The following KHDRBS3 variants were observed in gnomAD, a reference collection of about 807,000 sequenced individuals.
The protein encoded by KHDRBS3 is KH RNA binding domain containing, signal transduction associated 3.
In KHDRBS3, 23 loss-of-function variants were observed where a neutral mutation model predicts 45.6. The observed-to-expected ratio is 0.50, with a 90% CI of 0.36 to 0.72. The LOEUF (loss-of-function observed/expected upper bound fraction) is 0.72. KHDRBS3 is among the 30% of genes least tolerant of loss of function. KHDRBS3 has a pLI of 0.00. For missense variants in KHDRBS3, 352 were observed against 424.8 expected, an observed-to-expected ratio of 0.83 and a Z score of 1.51; for synonymous variants, 162 against 156.5, an observed-to-expected ratio of 1.04 and a Z score of -0.26.
intron 6 of KHDRBS3, among the ~76,000 whole-genome samples, chr8:135,592,310 A>AGC (rs1554635765): frequency 6.6e-6 from 1 of 151,996 alleles, no homozygotes; most frequent in African/African-American, 2.4e-5. Context: ...GGAAGTGGAA[A>AGC]GCTCTAAAAT....
At chr8:135,515,359 C>A (rs1824528441) in intron 1 of KHDRBS3, among the ~76,000 whole-genome samples, 1 of 57,468 alleles carries the variant, frequency 1.7e-5, no homozygotes, top group African/African-American at 5.5e-5. Flanking sequence ...GAGCGAGACT[C>A]CGTCTTAAAA....
At chr8:135,546,465 A>G (rs978657625) in intron 3 of KHDRBS3, among the ~76,000 whole-genome samples, 2 of 152,216 alleles carry the variant, frequency 1.3e-5, no homozygotes, top group Non-Finnish European at 2.9e-5. Context: ...CATAATAATC[A>G]TGACAGTGCT....
At chr8:135,603,957 T>C (rs1489483744) in intron 6 of KHDRBS3, among the ~76,000 whole-genome samples, 1 of 152,042 alleles carries the variant, frequency 6.6e-6, no homozygotes, top group East Asian at 1.9e-4. Flanking sequence ...TTTTTTTTCT[T>C]TTTTGACCTT....
intron 4 of KHDRBS3, chr8:135,549,916 T>A (rs1826501887): frequency 6.6e-6 from 1 of 152,226 alleles, no homozygotes; most frequent in Admixed American, 6.5e-5. Flanking sequence ...CTGAAATGGC[T>A]AGTATTTTCT....
At chr8:135,629,611 G>A (rs2131130760) in intron 7 of KHDRBS3, among the ~76,000 whole-genome samples, 1 of 152,272 alleles carries the variant, frequency 6.6e-6, no homozygotes, top group South Asian at 2.1e-4. Context: ...TGCATGCTAG[G>A]TCTCCATAAC....
chr8:135,523,025 C>T (rs984939840), intron 2 of KHDRBS3, among the ~76,000 whole-genome samples: 1 of 152,114 alleles, frequency 6.6e-6, no homozygotes, highest in African/African-American at 2.4e-5. Context: ...ATTTATGAAT[C>T]CTTATGCCAG....
At chr8:135,569,227 T>C (rs115668815) in intron 5 of KHDRBS3, among the ~76,000 whole-genome samples, 1,635 of 152,328 alleles carry the variant, frequency 0.011, 27 homozygotes, top group African/African-American at 0.035. Flanking sequence ...TGAAATATAA[T>C]GCAGTACTTA....
chr8:135,498,705 C>A (rs369612386), intron 1 of KHDRBS3, among the ~76,000 whole-genome samples: 1 of 150,456 alleles, frequency 6.6e-6, no homozygotes, highest in Non-Finnish European at 1.5e-5. Context: ...GTTTTTTCTT[C>A]TTTTTTTTAA....
At chr8:135,592,690 A>G (rs756808640) in intron 6 of KHDRBS3, among the ~76,000 whole-genome samples, 5 of 152,184 alleles carry the variant, frequency 3.3e-5, no homozygotes, top group African/African-American at 1.2e-4. Flanking sequence ...GTTTTTTGAC[A>G]TGCATATTTT....
intron 2 of KHDRBS3, among the ~76,000 whole-genome samples, chr8:135,529,372 T>C (rs1586668289): frequency 6.6e-6 from 1 of 152,234 alleles, no homozygotes; most frequent in Admixed American, 6.5e-5. Context: ...TTTACAAATA[T>C]GACAGCATTT....
chr8:135,626,013 C>T, intron 7 of KHDRBS3: 1 of 668,926 alleles, frequency 1.5e-6, no homozygotes, highest in East Asian at 2.6e-5. Flanking sequence ...TGTCCACTGC[C>T]CGCACCCAGC....
intron 1 of KHDRBS3, among the ~76,000 whole-genome samples, chr8:135,487,945 C>G (rs1199526014): frequency 2.0e-5 from 3 of 152,098 alleles, no homozygotes; most frequent in African/African-American, 7.2e-5. Flanking sequence ...CACAGAAGTG[C>G]TTCAAAAATT....
At chr8:135,585,349 T>A (rs1162741381) in intron 6 of KHDRBS3, among the ~76,000 whole-genome samples, 4 of 152,130 alleles carry the variant, frequency 2.6e-5, no homozygotes, top group Non-Finnish European at 5.9e-5. Flanking sequence ...TAAATGGTTA[T>A]TCATTCATGC....
intron 1 of KHDRBS3, among the ~76,000 whole-genome samples, chr8:135,463,364 G>A (rs761090498): frequency 6.6e-6 from 1 of 152,074 alleles, no homozygotes; most frequent in Non-Finnish European, 1.5e-5. Flanking sequence ...ATTGGAGGTG[G>A]GGATGAAGTC....
chr8:135,580,739 A>G (rs1249639185), intron 5 of KHDRBS3, among the ~76,000 whole-genome samples: 2 of 151,712 alleles, frequency 1.3e-5, no homozygotes, highest in East Asian at 3.9e-4. Flanking sequence ...CAGCCTCCCA[A>G]GTAGCTGGGA....
chr8:135,589,502 C>T (rs916827160), intron 6 of KHDRBS3, among the ~76,000 whole-genome samples: 5 of 152,228 alleles, frequency 3.3e-5, no homozygotes, highest in African/African-American at 1.2e-4. Flanking sequence ...ATAGCAGGAA[C>T]TGTAAACTGT....
intron 1 of KHDRBS3, among the ~76,000 whole-genome samples, chr8:135,500,324 T>C (rs142589544): frequency 1.7e-3 from 257 of 152,318 alleles, no homozygotes; most frequent in African/African-American, 6.0e-3. Flanking sequence ...TGCTTCATAT[T>C]GTGTCTCTTA....
chr8:135,512,498 T>A (rs1420544564), intron 1 of KHDRBS3, among the ~76,000 whole-genome samples: 1 of 151,580 alleles, frequency 6.6e-6, no homozygotes, highest in East Asian at 1.9e-4. Flanking sequence ...CAGGCTGATT[T>A]GAATTATTCA....
Position 135,557,560 on chromosome 8 carries a change from G to T in KHDRBS3, c.584G>T (p.Arg195Ile). ...CGAGGGAAACCCACCTTGCGTACAA[G>T]AGGTGTACCAGCCCCAGCAATAACC... ...VVRGKPTLRT[R>I]GVPAPAITRG... The change falls in exon 5 of 9, where the codon AGA becomes ATA. Residue 195 changes from arginine to isoleucine, a missense_variant. Arg to Ile is a moderately conservative substitution (Grantham distance 97, BLOSUM62 -3). This residue lies in a region of KHDRBS3 where 212 missense variants were observed against 209.6 expected (regional missense o/e 1.01). Coordinates refer to ENST00000355849, the MANE Select transcript of KHDRBS3 (RefSeq NM_006558.3). 1 of 1,613,182 alleles carries T rather than the reference G, an allele frequency of 6.2e-7. No individual in the cohort carries two copies. The highest frequency in any genetic ancestry group is 8.5e-7 in the Non-Finnish European group (1 of 1,179,160).
Sources: gnomAD v4.1 joint callset for allele counts (sites outside exome capture counted in the v4.1 genomes callset) on GRCh38, gnomAD v4.1.1 for gene constraint, gnomAD v4.1.1 regional missense constraint, MANE v1.5 for transcripts, NCBI Gene and HGNC (gene_info 2026-07-23, HGNC 2026-07-21) for gene names.